Variants in EFCAB5 observed in about 807,000 individuals in gnomAD.
EFCAB5 encodes the protein EF-hand calcium-binding domain-containing protein 5.
EFCAB5 carries 131 observed loss-of-function variants against 167.9 expected under a neutral mutation model. That is an observed-to-expected ratio of 0.78 (90% CI 0.68 to 0.90). The LOEUF (loss-of-function observed/expected upper bound fraction) is 0.90. Among genes scored for constraint, EFCAB5 ranks in the 40% least tolerant of loss-of-function variants. EFCAB5 has a pLI of 0.00. For synonymous variants in EFCAB5, 574 were observed against 602.8 expected (o/e 0.95, Z 0.70); for missense variants, 1,663 against 1,745.2 (o/e 0.95, Z 0.84).
chr17:30,036,156 T>C (rs1358313733), intron 8 of EFCAB5, among the ~76,000 whole-genome samples: 12 of 141,056 alleles, frequency 8.5e-5, no homozygotes, highest in Non-Finnish European at 1.5e-4. Context: ...ATATAATATA[T>C]TATTATATAT....
chr17:29,943,417 A>G, intron 2 of EFCAB5, 148 bp from the exon 3 acceptor site: 1 of 551,248 alleles, frequency 1.8e-6, no homozygotes, highest in Non-Finnish European at 3.1e-6. Flanking sequence ...TGCTTCTAAT[A>G]TACAGCATTA....
intron 6 of EFCAB5, among the ~76,000 whole-genome samples, chr17:29,998,413 G>A (rs1454597341): frequency 6.6e-6 from 1 of 151,928 alleles, no homozygotes. Flanking sequence ...CTATTCATTC[G>A]GTCAATATTC....
chr17:29,973,000 T>G (rs1009360475), intron 4 of EFCAB5: 4 of 152,412 alleles, frequency 2.6e-5, no homozygotes, highest in Non-Finnish European at 5.9e-5. Flanking sequence ...GATCCAGCTG[T>G]GGTTTGAAAG....
intron 1 of EFCAB5, chr17:29,930,058 GA>G: frequency 7.2e-7 from 1 of 1,381,228 alleles, no homozygotes; most frequent in Middle Eastern, 2.0e-4. Flanking sequence ...TGGGGGACGG[GA>G]GGGTGACGGA....
At chr17:30,045,916 C>T (rs1223956112) in intron 8 of EFCAB5, among the ~76,000 whole-genome samples, 1 of 151,872 alleles carries the variant, frequency 6.6e-6, no homozygotes, top group Non-Finnish European at 1.5e-5. Context: ...TGGCATGGTA[C>T]CTGTAGTCCC....
chr17:30,016,395 A>G (rs1327190074), intron 7 of EFCAB5, among the ~76,000 whole-genome samples: 1 of 152,130 alleles, frequency 6.6e-6, no homozygotes, highest in Non-Finnish European at 1.5e-5. Context: ...TGTCTGTTTA[A>G]GTCTTTGATC....
At chr17:29,931,835 T>C (rs1233890051) in intron 1 of EFCAB5, among the ~76,000 whole-genome samples, 1 of 152,212 alleles carries the variant, frequency 6.6e-6, no homozygotes, top group Non-Finnish European at 1.5e-5. Flanking sequence ...TCTTAGTACT[T>C]GTATGTTGAT....
chr17:30,006,216 G>A (rs554468206), intron 7 of EFCAB5, among the ~76,000 whole-genome samples: 39 of 152,026 alleles, frequency 2.6e-4, no homozygotes, highest in Non-Finnish European at 4.6e-4. Flanking sequence ...ATTTTATAGC[G>A]TTTGGTTTTT....
intron 7 of EFCAB5, among the ~76,000 whole-genome samples, chr17:30,005,308 TCCAG>T (rs905064002): frequency 6.6e-6 from 1 of 152,082 alleles, no homozygotes; most frequent in Non-Finnish European, 1.5e-5. Context: ...GCCACTGCAC[TCCAG>T]CCTGGATGAC....
rs1597553587 is a variant in EFCAB5 at position 29,942,231 on chromosome 17, G to A, written c.43-9G>A. 3 of 1,578,896 alleles carry A rather than the reference G, an allele frequency of 1.9e-6. No individual in the cohort carries two copies. The highest frequency in any genetic ancestry group is 2.6e-6 in the Non-Finnish European group (3 of 1,162,136). Reference sequence around the variant, plus strand: ...TGGATGCCATTTACTAACACTGTTTGCATTTCAGGAAAACAGAAAAGAAGA... The same window carrying A: ...TGGATGCCATTTACTAACACTGTTTACATTTCAGGAAAACAGAAAAGAAGA... On this transcript the variant is annotated splice_polypyrimidine_tract_variant and intron_variant, in intron 1 of 22. Transcript: ENST00000394835.
chr17:29,987,879 A>T (rs1361068313), intron 4 of EFCAB5, among the ~76,000 whole-genome samples: 3 of 152,224 alleles, frequency 2.0e-5, no homozygotes, highest in Non-Finnish European at 4.4e-5. Flanking sequence ...TGTAGCCCAG[A>T]TGAAGTGAGA....
At chr17:30,068,007 A>T (rs1368530809) in intron 14 of EFCAB5, among the ~76,000 whole-genome samples, 1 of 152,242 alleles carries the variant, frequency 6.6e-6, no homozygotes, top group African/African-American at 2.4e-5. Context: ...TACAAAATCA[A>T]CATATAAAAA....
chr17:30,024,571 G>A (rs1344418512), intron 7 of EFCAB5, among the ~76,000 whole-genome samples: 1 of 151,908 alleles, frequency 6.6e-6, no homozygotes, highest in East Asian at 1.9e-4. Flanking sequence ...ATGCTCATGG[G>A]TAGGAAGAAT....
intron 3 of EFCAB5, among the ~76,000 whole-genome samples, chr17:29,946,429 CTTTTTTTTTTTTTTT>C (rs58247381): frequency 1.2e-5 from 1 of 85,444 alleles, no homozygotes; most frequent in Non-Finnish European, 2.1e-5. Flanking sequence ...ATGGAAATTT[CTTTTTTTTTTTTTTT>C]TTTTTTTTTT....
chr17:29,976,487 G>A (rs554068171), intron 4 of EFCAB5, among the ~76,000 whole-genome samples: 128 of 152,270 alleles, frequency 8.4e-4, no homozygotes, highest in Non-Finnish European at 1.5e-3. Flanking sequence ...GGCATTTGTA[G>A]AATATTCAGA....
At chr17:29,981,663 A>C (rs535697374) in intron 4 of EFCAB5, among the ~76,000 whole-genome samples, 360 of 152,266 alleles carry the variant, frequency 2.4e-3, no homozygotes, top group Non-Finnish European at 4.0e-3. Context: ...TAATTAACCT[A>C]TTCCAGTCTG....
rs189501822 is a variant in EFCAB5 at position 30,021,471 on chromosome 17, T to C, written c.1045-12759T>C. 4.7e-3 allele frequency among the ~76,000 whole-genome samples: 695 copies of C among 148,378 alleles called. 5 individuals carry two copies. The highest frequency in any genetic ancestry group is 8.3e-3 in the Non-Finnish European group (556 of 67,230). On this transcript the variant is annotated intron_variant, in intron 7 of 22. Coordinates refer to ENST00000394835, the MANE Select transcript of EFCAB5 (RefSeq NM_198529.4). ...TATATATAAATATATATAATACATG[T>C]ATATAAAACAACACACAAATGAGAA... is the stretch of plus-strand genomic sequence containing the variant.
chr17:30,074,921 T>C (rs886842679), intron 14 of EFCAB5, among the ~76,000 whole-genome samples: 1 of 152,120 alleles, frequency 6.6e-6, no homozygotes, highest in African/African-American at 2.4e-5. Context: ...GATTTCTCAG[T>C]GGACAGATGT....
intron 14 of EFCAB5, chr17:30,069,346 G>A: frequency 6.4e-7 from 1 of 1,557,780 alleles, no homozygotes; most frequent in Non-Finnish European, 8.9e-7. Flanking sequence ...AGGAAAATCA[G>A]CGACTAATTG....
Sources: allele counts gnomAD v4.1 joint callset (sites outside exome capture counted in the v4.1 genomes callset), GRCh38; gene constraint gnomAD v4.1.1; transcripts MANE v1.5; gene names NCBI Gene and HGNC (gene_info 2026-07-23, HGNC 2026-07-21).